Variants in XIAP observed in about 807,000 individuals in gnomAD.
The protein encoded by XIAP is E3 ubiquitin-protein ligase XIAP.
A neutral mutation model predicts 33.1 loss-of-function variants in XIAP; 3 were observed. That is an observed-to-expected ratio of 0.09 (90% CI 0.04 to 0.23). XIAP has a LOEUF of 0.23. Ranked by LOEUF, XIAP falls within the 10% of genes least tolerant of loss-of-function variation. XIAP has a pLI of 1.00. For synonymous variants in XIAP, 98 were observed against 121.3 expected, an observed-to-expected ratio of 0.81 and a Z score of 1.26; for missense variants, 264 against 363.0, an observed-to-expected ratio of 0.73 and a Z score of 2.22.
At chrX:123,883,559 C>T (rs1457354902) in intron 1 of XIAP, among the ~76,000 whole-genome samples, 5 of 98,931 alleles carry the variant, frequency 5.1e-5, no homozygotes, top group African/African-American at 1.5e-4. Flanking sequence ...TGCAGTGGCG[C>T]GATCTCAGCT....
In XIAP at chrX:123,913,490, A is replaced by C. The variant is rs1244044510; in HGVS notation, c.*6309A>C. On this transcript the variant is annotated 3_prime_UTR_variant, in exon 7 of 7. Coordinates refer to ENST00000371199, the MANE Select transcript of XIAP (RefSeq NM_001167.4). Reference sequence around the variant, plus strand: ...CTCTCAAAAACAAAACAAAACAAAAAAATTAGACAAATGCTACATTAATGT... The same window carrying C: ...CTCTCAAAAACAAAACAAAACAAAACAATTAGACAAATGCTACATTAATGT... 1 of 328,896 alleles carries C rather than the reference A, an allele frequency of 3.0e-6. No homozygotes were observed. The highest frequency in any genetic ancestry group is 5.9e-6 in the Non-Finnish European group (1 of 169,858). The allele number at this position is 328,896 out of a possible 1,213,427, so 27.1% of individuals were successfully genotyped here.
rs770819952 is a variant in XIAP at position 123,912,214 on chromosome X, G to GAAAA, written c.*5034_*5035insAAAA. On this transcript the variant is annotated 3_prime_UTR_variant, in exon 7 of 7. Transcript: ENST00000371199. ...CAACCAAGGAGGAATTGAAAACACT[G>GAAAA]AGAAAAAAAAAAAAGACCACACAAT... The GAAAA allele has an allele frequency of 2.2e-5, 4 of 182,727 alleles. No homozygotes were observed. Among genetic ancestry groups the GAAAA allele is most frequent in the Admixed American group, 6.8e-5 (1 of 14,717 alleles). 15.1% of individuals were successfully genotyped at this position (182,727 alleles called of 1,213,427 possible).
chrX:123,875,313 G>A (rs1042658611), intron 1 of XIAP, among the ~76,000 whole-genome samples: 4 of 111,152 alleles, frequency 3.6e-5, no homozygotes, highest in Admixed American at 9.7e-5. Context: ...GAGCCACCGC[G>A]CCCGGCCTGA....
rs1256128763 is a variant in XIAP, at chrX:123,909,873, T to C, written c.*2692T>C. The C allele has an allele frequency of 6.1e-6, 2 of 329,895 alleles. No homozygotes were observed. The highest frequency in any genetic ancestry group is 6.2e-5 in the Admixed American group (2 of 32,235). 27.2% of individuals were successfully genotyped at this position (329,895 alleles called of 1,213,427 possible). On this transcript the variant is annotated 3_prime_UTR_variant, in exon 7 of 7. Coordinates refer to ENST00000371199, the MANE Select transcript of XIAP (RefSeq NM_001167.4). ...AGACTTAACAGCATTTGTCTGTGTT[T>C]GAACTATAAAAAGCACCGGATCTTT...
Position 123,910,559 on chromosome X carries a change from A to T in XIAP, c.*3378A>T, listed in dbSNP as rs771615294. 3.1e-6 allele frequency: 1 copy of T among 327,204 alleles called. No individual in the cohort carries two copies. Among genetic ancestry groups the T allele is most frequent in the Non-Finnish European group, 5.9e-6 (1 of 169,654 alleles). 27.0% of individuals were successfully genotyped at this position (327,204 alleles called of 1,213,427 possible). A position where few individuals can be genotyped will look rare whatever the true frequency, so the allele number is the denominator to read the frequency against. On this transcript the variant is annotated 3_prime_UTR_variant, in exon 7 of 7. Transcript: ENST00000371199. ...ATATACTATGGGATGTATATATATC[A>T]TTGCTGTTAGAGAAATGAAATAAAA...
At chrX:123,880,728 ACT>A (rs55674256) in intron 1 of XIAP, among the ~76,000 whole-genome samples, 17,011 of 86,510 alleles carry the variant, frequency 0.2, 1,368 homozygotes, top group South Asian at 0.36. Flanking sequence ...TAAGAGCAAA[ACT>A]CTGTTTCAAA....
At chrX:123,883,239 C>T (rs779512253) in intron 1 of XIAP, among the ~76,000 whole-genome samples, 3 of 108,847 alleles carry the variant, frequency 2.8e-5, no homozygotes, top group South Asian at 8.1e-4. Flanking sequence ...CCTGCCACCA[C>T]GCCTGGCTAA....
rs35471589 is a variant in XIAP at position 123,867,049 on chromosome X, C to CCCCCA, written c.-33+6756_-33+6757insCCCCA. On this transcript the variant is annotated intron_variant, in intron 1 of 6. Coordinates refer to ENST00000371199, the MANE Select transcript of XIAP (RefSeq NM_001167.4). The stretch of plus-strand genomic sequence containing the variant: ...CAGGTTGTTTTAATCCCCCCCCCCC[C>CCCCCA]TTCAACATTCTATAGTTAACATTTC... Among the ~76,000 whole-genome samples the CCCCCA allele has an allele frequency of 6.4e-3, 352 of 55,023 alleles. 43 individuals are homozygous for CCCCCA. The highest frequency in any genetic ancestry group is 9.0e-3 in the Non-Finnish European group (265 of 29,346). 47.8% of individuals were successfully genotyped at this position (55,023 alleles called of 115,157 possible). A position where few individuals can be genotyped will look rare whatever the true frequency, so the allele number is the denominator to read the frequency against.
chrX:123,900,774 G>A, intron 6 of XIAP, 81 bp downstream of exon 6: 1 of 893,229 alleles, frequency 1.1e-6, no homozygotes, highest in Non-Finnish European at 1.6e-6. Flanking sequence ...TTGGGAGGCT[G>A]GGACAGGTGG....
In XIAP at chrX:123,912,391, T is replaced by C. The variant is rs767743689; in HGVS notation, c.*5210T>C. 7.7e-5 allele frequency: 25 copies of C among 323,036 alleles called. 1 individual carries two copies. Among genetic ancestry groups the C allele is most frequent in the South Asian group, 6.2e-4 (23 of 37,202 alleles). 26.6% of individuals were successfully genotyped at this position (323,036 alleles called of 1,213,427 possible). On this transcript the variant is annotated 3_prime_UTR_variant, in exon 7 of 7. Transcript: ENST00000371199. ...TTATTTTTAAACCAACCTAATATAT[T>C]GTATTAGGTATTAAAGTCATCTGGA...
At chrX:123,901,526 C>A (rs1289923743) in intron 6 of XIAP, among the ~76,000 whole-genome samples, 2 of 111,744 alleles carry the variant, frequency 1.8e-5, no homozygotes, top group Non-Finnish European at 3.8e-5. Flanking sequence ...GACCATCCTC[C>A]CTCCAAAAAG....
At chrX:123,901,438 A>C (rs935793281) in intron 6 of XIAP, among the ~76,000 whole-genome samples, 6 of 111,636 alleles carry the variant, frequency 5.4e-5, no homozygotes, top group Non-Finnish European at 1.1e-4. Flanking sequence ...GCTTGCCAAC[A>C]ACATCGAAGG....
intron 5 of XIAP, among the ~76,000 whole-genome samples, chrX:123,898,085 G>A (rs748082811): frequency 1.8e-5 from 2 of 111,945 alleles, no homozygotes; most frequent in East Asian, 2.8e-4. Context: ...TTTTTCTCCT[G>A]TATTGGTTAA....
chrX:123,902,979 A>G (rs928405082), intron 6 of XIAP, among the ~76,000 whole-genome samples: 10 of 110,690 alleles, frequency 9.0e-5, no homozygotes, highest in Non-Finnish European at 1.3e-4. Context: ...AGAAGTATGT[A>G]GAATCCAGTA....
chrX:123,891,492 A>G (rs925645745), intron 4 of XIAP, among the ~76,000 whole-genome samples, 176 bp downstream of exon 4: 12 of 111,955 alleles, frequency 1.1e-4, no homozygotes, highest in Non-Finnish European at 1.7e-4. Context: ...ATTTTAAGTT[A>G]AAAACAAAAT....
chrX:123,887,687 C>T (rs1163137932), intron 2 of XIAP, among the ~76,000 whole-genome samples: 4 of 111,256 alleles, frequency 3.6e-5, no homozygotes, highest in Admixed American at 9.7e-5. Context: ...AAATAACATA[C>T]TAAAAAGAAA....
chrX:123,905,909 A>C (rs1043807512), intron 6 of XIAP, among the ~76,000 whole-genome samples: 1 of 112,472 alleles, frequency 8.9e-6, no homozygotes, highest in Non-Finnish European at 1.9e-5. Context: ...CAGAAATTTT[A>C]GATTCTGTGA....
In XIAP at chrX:123,913,346, T is replaced by C. The variant is rs1228903087; in HGVS notation, c.*6165T>C. ...ATAGCTGGGCATGGTGGCGCATGCC[T>C]GTAGTCCCAGCTACTAGAGCGACTG... On this transcript the variant is annotated 3_prime_UTR_variant, in exon 7 of 7. Transcript: ENST00000371199. 3.0e-6 allele frequency: 1 copy of C among 328,597 alleles called. No individual in the cohort carries two copies. The highest frequency in any genetic ancestry group is 5.9e-6 in the Non-Finnish European group (1 of 169,570). 27.1% of individuals were successfully genotyped at this position (328,597 alleles called of 1,213,427 possible).
chrX:123,875,204 A>G (rs983006446), intron 1 of XIAP, among the ~76,000 whole-genome samples: 1 of 105,745 alleles, frequency 9.5e-6, no homozygotes, highest in Non-Finnish European at 1.9e-5. Flanking sequence ...TTGTATTTTT[A>G]GTAGAGACGG....
Sources: allele counts gnomAD v4.1 joint callset (sites outside exome capture counted in the v4.1 genomes callset), GRCh38; gene constraint gnomAD v4.1.1; transcripts MANE v1.5; gene names NCBI Gene and HGNC (gene_info 2026-07-23, HGNC 2026-07-21).